PSMD1: variants seen among roughly 807,000 people sequenced by gnomAD.
PSMD1 encodes proteasome 26S subunit, non-ATPase 1.
PSMD1 carries 18 observed loss-of-function variants against 119.0 expected under a neutral mutation model. The observed-to-expected ratio is 0.15, with a 90% CI of 0.10 to 0.22. The LOEUF (loss-of-function observed/expected upper bound fraction) is 0.22, where lower values mean the gene tolerates loss of function less well. Ranked by LOEUF, PSMD1 falls within the 10% of genes least tolerant of loss-of-function variation. The pLI, the probability that PSMD1 is intolerant of heterozygous loss-of-function variation, is 1.00. For missense variants in PSMD1, 702 were observed against 1,158.5 expected (o/e 0.61, Z 5.72); for synonymous variants, 374 against 396.6 (o/e 0.94, Z 0.68).
At chr2:231,111,997 A>AT (rs1287729383) in intron 16 of PSMD1, among the ~76,000 whole-genome samples, 1 of 152,190 alleles carries the variant, frequency 6.6e-6, no homozygotes, top group African/African-American at 2.4e-5. Flanking sequence ...AATTGATGGT[A>AT]TCCAGCCTTA....
intron 8 of PSMD1, 105 bp downstream of exon 8, chr2:231,075,676 C>A: frequency 1.0e-6 from 1 of 978,370 alleles, no homozygotes; most frequent in Non-Finnish European, 1.5e-6. Flanking sequence ...GCCTCCCAGG[C>A]TCAAGCTTTC....
At chr2:231,119,794 C>A (rs1695467425) in intron 16 of PSMD1, among the ~76,000 whole-genome samples, 1 of 145,544 alleles carries the variant, frequency 6.9e-6, no homozygotes, top group Admixed American at 7.1e-5. Flanking sequence ...TCGTTTGAAC[C>A]TGTGGGTGGA....
At position 231,170,527 on chromosome 2, in the gene PSMD1, A is replaced by T; in HGVS notation, c.2716-39A>T. ...ACTCTAGATTGTGGAGCACGCTTGA[A>T]ATATGAGTGTACGCTTCTGCACGCC... On this transcript the variant is annotated intron_variant, in intron 23 of 24. Transcript: ENST00000308696. The surrounding 1 kb of genome is among the most constrained non-coding windows in gnomAD (Gnocchi z 4.1). 1 of 1,534,608 alleles carries T rather than the reference A, an allele frequency of 6.5e-7. No individual in the cohort carries two copies. The highest frequency in any genetic ancestry group is 8.8e-7 in the Non-Finnish European group (1 of 1,141,014).
intron 20 of PSMD1, 98 bp from the exon 21 acceptor site, chr2:231,163,537 A>G (rs1696687704): frequency 1.3e-6 from 1 of 774,292 alleles, no homozygotes; most frequent in African/African-American, 1.7e-5. Flanking sequence ...AGTTGAACAT[A>G]CAGCCTGCAT....
At chr2:231,094,335 A>G (rs1371666313) in intron 16 of PSMD1, among the ~76,000 whole-genome samples, 2 of 152,140 alleles carry the variant, frequency 1.3e-5, no homozygotes, top group African/African-American at 4.8e-5. Flanking sequence ...TAACTTGCAT[A>G]TCTGCTTGTT....
rs1455876636 is a variant in PSMD1, at chr2:231,146,101, A to G, written c.1999-139A>G. 8.6e-6 allele frequency: 5 copies of G among 583,316 alleles called. No individual in the cohort carries two copies. In the Admixed American group the frequency reaches 1.4e-4, roughly 16 times the overall value. The allele number at this position is 583,316 out of a possible 1,614,324, so 36.1% of individuals were successfully genotyped here. ...TCACTTAGGCAATAGTAATTTTTCA[A>G]CTCCATTATAATGGGACTACCATCA... On this transcript the variant is annotated intron_variant, in intron 17 of 24. Coordinates refer to ENST00000308696, the MANE Select transcript of PSMD1 (RefSeq NM_002807.4).
chr2:231,144,418 A>ATTTTTTTTTTTT (rs751682132), intron 17 of PSMD1, among the ~76,000 whole-genome samples: 33 of 75,194 alleles, frequency 4.4e-4, no homozygotes, highest in Non-Finnish European at 4.7e-4. Flanking sequence ...CGCCCAGCTA[A>ATTTTTTTTTTTT]TTTTTTTTTT....
intron 2 of PSMD1, 23 bp downstream of exon 2, chr2:231,061,333 C>T: frequency 6.4e-7 from 1 of 1,553,806 alleles, no homozygotes; most frequent in Non-Finnish European, 8.8e-7. Flanking sequence ...GAATAAGTAA[C>T]TAGGCTTAGT....
chr2:231,070,455 C>T (rs189041486), intron 6 of PSMD1, among the ~76,000 whole-genome samples: 27 of 151,976 alleles, frequency 1.8e-4, no homozygotes, highest in African/African-American at 6.0e-4. Context: ...TTAGAAATAA[C>T]GAAGGTTTTT....
intron 12 of PSMD1, 78 bp from the exon 13 acceptor site, chr2:231,082,805 T>C (rs2125172684): frequency 2.8e-6 from 3 of 1,063,350 alleles, no homozygotes; most frequent in Non-Finnish European, 4.2e-6. Flanking sequence ...AATGTGAAAC[T>C]GTATTTTGAA....
intron 7 of PSMD1, among the ~76,000 whole-genome samples, chr2:231,073,592 TC>T (rs1694090522): frequency 6.6e-6 from 1 of 152,312 alleles, no homozygotes; most frequent in African/African-American, 2.4e-5. Flanking sequence ...CACATTGAAA[TC>T]CCGATAATAT....
chr2:231,109,512 C>T (rs1001577652), intron 16 of PSMD1: 11 of 992,090 alleles, frequency 1.1e-5, no homozygotes, highest in African/African-American at 1.6e-5. Context: ...CTTGTTGGTG[C>T]ATTATAATTC....
chr2:231,126,307 G>C (rs1695718609), intron 16 of PSMD1, among the ~76,000 whole-genome samples: 1 of 152,056 alleles, frequency 6.6e-6, no homozygotes, highest in African/African-American at 2.4e-5. Context: ...CGGCGGCGGA[G>C]GGGTTGAGGG....
Position 231,066,910 on chromosome 2 carries a change from A to G in PSMD1, c.309A>G (p.Lys103=), listed in dbSNP as rs1384850300. 1 of 1,590,732 alleles carries G rather than the reference A, an allele frequency of 6.3e-7. No homozygotes were observed. Among genetic ancestry groups the G allele is most frequent in the Non-Finnish European group, 8.5e-7 (1 of 1,172,018 alleles). The change falls in exon 5 of 25, where the codon AAA becomes AAG. Residue 103 remains lysine (K), a synonymous_variant. Coordinates refer to ENST00000308696, the MANE Select transcript of PSMD1 (RefSeq NM_002807.4). ...NSEYVETIIA[K]CIDHYTKQCV... ...GTTATTTTATTTCCTCAACAGCAAAATGCATTGATCACTACACCAAACAAT... is the reference window on the plus strand; with the variant it reads ...GTTATTTTATTTCCTCAACAGCAAAGTGCATTGATCACTACACCAAACAAT...
intron 15 of PSMD1, among the ~76,000 whole-genome samples, chr2:231,085,925 A>G (rs578062543): frequency 8.5e-5 from 13 of 152,158 alleles, no homozygotes; most frequent in Non-Finnish European, 1.6e-4. Context: ...CCCAGAGATA[A>G]TATTTTCCAC....
intron 16 of PSMD1, among the ~76,000 whole-genome samples, chr2:231,101,771 C>T (rs1694871647): frequency 6.6e-6 from 1 of 152,182 alleles, no homozygotes; most frequent in South Asian, 2.1e-4. Flanking sequence ...GATGAATATG[C>T]ACTGAGGGCT....
intron 16 of PSMD1, among the ~76,000 whole-genome samples, chr2:231,104,367 T>G (rs16827777): frequency 0.031 from 4,774 of 152,230 alleles, 273 homozygotes; most frequent in African/African-American, 0.11. Flanking sequence ...CACTACATAG[T>G]ATAGTCAAAT....
At chr2:231,088,718 A>G (rs111987861) in intron 16 of PSMD1, among the ~76,000 whole-genome samples, 3,386 of 152,250 alleles carry the variant, frequency 0.022, 139 homozygotes, top group African/African-American at 0.077. Context: ...TCCCTGAGAC[A>G]CAATAATATT....
chr2:231,083,438 TAA>T, intron 13 of PSMD1, 127 bp from the exon 14 acceptor site: 1 of 952,296 alleles, frequency 1.1e-6, no homozygotes, highest in Non-Finnish European at 1.6e-6. Flanking sequence ...CCAGGTGGTT[TAA>T]AAAAATGCTA....
Sources: allele counts gnomAD v4.1 joint callset (sites outside exome capture counted in the v4.1 genomes callset), GRCh38; gene constraint gnomAD v4.1.1; non-coding constraint Gnocchi (gnomAD v3.1); transcripts MANE v1.5; gene names NCBI Gene and HGNC (gene_info 2026-07-23, HGNC 2026-07-21).